Variants in GLUL observed in about 807,000 individuals in gnomAD.
GLUL encodes the protein glutamine synthetase.
GLUL carries 8 observed loss-of-function variants against 36.9 expected under a neutral mutation model. The ratio of observed to expected loss-of-function variants is 0.22; its 90% confidence interval spans 0.13 to 0.39. The LOEUF is 0.39. Among genes scored for constraint, GLUL ranks in the 10% least tolerant of loss-of-function variants. The pLI, the probability that GLUL is intolerant of heterozygous loss-of-function variation, is 1.00. For synonymous variants in GLUL, 182 were observed against 172.8 expected (o/e 1.05, Z -0.42); for missense variants, 315 against 501.8 (o/e 0.63, Z 3.56).
At chr1:182,386,893 G>C (rs915949533) in intron 3 of GLUL, 14 of 574,964 alleles carry the variant, frequency 2.4e-5, no homozygotes, top group African/African-American at 2.2e-4. Context: ...TCCAAGACCG[G>C]CAAACAGATC....
intron 1 of GLUL, chr1:182,390,793 G>A: frequency 5.0e-6 from 2 of 397,630 alleles, no homozygotes; most frequent in Non-Finnish European, 4.4e-6. Context: ...ACTTCTCGTT[G>A]TCTTCATAAT....
At chr1:182,385,914 A>G (rs751105561) in intron 4 of GLUL, 27 bp from the exon 5 acceptor site, 7 of 1,609,022 alleles carry the variant, frequency 4.4e-6, no homozygotes, top group Non-Finnish European at 6.0e-6. Flanking sequence ...ACAAAACACT[A>G]AGAGTCAAGA....
At chr1:182,391,302 G>C (rs2101939791) in intron 1 of GLUL, 1 of 398,538 alleles carries the variant, frequency 2.5e-6, no homozygotes, top group South Asian at 1.3e-4. Context: ...CTCCACAGGG[G>C]ACCGCACCGC....
Position 182,384,763 on chromosome 1 carries a change from C to T in GLUL, c.804-40G>A, listed in dbSNP as rs1650098597. The T allele has an allele frequency of 2.0e-6, 3 of 1,496,204 alleles. No individual in the cohort carries two copies. The African/African-American group carries it at 4.1e-5, about 21-fold the overall frequency. 92.7% of individuals were successfully genotyped at this position (1,496,204 alleles called of 1,614,324 possible). On this transcript the variant is annotated intron_variant, in intron 6 of 6. Transcript: ENST00000331872. ...AAAGATGGCAGTCCAACCTTGTCTC[C>T]AGGTATGGAGCCAAGAATGAAGTGC...
rs61272996 is a variant in GLUL at position 182,379,846 on chromosome 1, CT to C, written c.*4558del. 1.2e-3 allele frequency among the ~76,000 whole-genome samples: 160 copies of C among 138,206 alleles called. No homozygotes were observed. The highest frequency in any genetic ancestry group is 1.2e-3 in the Admixed American group (17 of 13,680). 90.7% of individuals were successfully genotyped at this position (138,206 alleles called of 152,430 possible). ...CCACCATGCCCAGCCTCAGTTACAACTTTTTTTTTTTTTTTGAGATGGAGTT... is the reference window on the plus strand; with the variant it reads ...CCACCATGCCCAGCCTCAGTTACAACTTTTTTTTTTTTTTGAGATGGAGTT... On this transcript the variant is annotated 3_prime_UTR_variant, in exon 7 of 7. Transcript: ENST00000331872.
intron 1 of GLUL, chr1:182,390,522 C>CTA (rs912167364): frequency 2.3e-4 from 91 of 399,182 alleles, no homozygotes; most frequent in African/African-American, 1.6e-3. Flanking sequence ...TCAAGCGTAT[C>CTA]GTTAGGGTTG....
intron 3 of GLUL, 174 bp downstream of exon 3, chr1:182,386,957 G>T: frequency 1.5e-6 from 1 of 676,828 alleles, no homozygotes; most frequent in East Asian, 2.7e-5. Flanking sequence ...ATAGAAAGAT[G>T]GGCCATATTA....
chr1:182,386,853 A>G (rs1650203871), intron 3 of GLUL: 1 of 532,772 alleles, frequency 1.9e-6, no homozygotes, highest in Admixed American at 3.1e-5. Context: ...CCTGGCCTAC[A>G]TTCCAGGCAG....
At chr1:182,387,569 A>C (rs775689288) in intron 2 of GLUL, among the ~76,000 whole-genome samples, 10 of 152,214 alleles carry the variant, frequency 6.6e-5, no homozygotes, top group Non-Finnish European at 1.3e-4. Context: ...GACAAGCTGA[A>C]GCATTCTGTT....
rs955154415 is a variant in GLUL at position 182,381,386 on chromosome 1, A to C, written c.*3019T>G. ...GATGATATTAGGGGAACTCATATTT[A>C]AGGAGTTCATGGAGACCTCCTTTTG... On this transcript the variant is annotated 3_prime_UTR_variant, in exon 7 of 7. Transcript: ENST00000331872. Among the ~76,000 whole-genome samples the C allele has an allele frequency of 4.6e-5, 7 of 152,202 alleles. No homozygotes were observed. Among genetic ancestry groups the C allele is most frequent in the African/African-American group, 1.4e-4 (6 of 41,444 alleles).
chr1:182,388,806 C>T (rs2101936810), intron 1 of GLUL, 56 bp from the exon 2 acceptor site: 1 of 1,369,098 alleles, frequency 7.3e-7, no homozygotes, highest in Non-Finnish European at 1.0e-6. Flanking sequence ...TGATCCCCTG[C>T]AAAAATGGCT....
Position 182,386,590 on chromosome 1 carries a change from C to G in GLUL, c.329-188G>C, listed in dbSNP as rs187206800. On this transcript the variant is annotated intron_variant, in intron 3 of 6. Coordinates refer to ENST00000331872, the MANE Select transcript of GLUL (RefSeq NM_001033044.4). Reference sequence around the variant, plus strand: ...ATGAGAGAAGCTGTTAATTGTACATCTGTAGGAAGACTCTGAAAGACTTCA... The same window carrying G: ...ATGAGAGAAGCTGTTAATTGTACATGTGTAGGAAGACTCTGAAAGACTTCA... 1.1e-5 allele frequency: 7 copies of G among 657,616 alleles called. No individual in the cohort carries two copies. In the African/African-American group the frequency reaches 1.3e-4, roughly 12 times the overall value. 40.7% of individuals were successfully genotyped at this position (657,616 alleles called of 1,614,324 possible). A position where few individuals can be genotyped will look rare whatever the true frequency, so the allele number is the denominator to read the frequency against.
chr1:182,386,199 C>T (rs1469570183), intron 4 of GLUL, 57 bp downstream of exon 4: 30 of 1,489,814 alleles, frequency 2.0e-5, no homozygotes, highest in Non-Finnish European at 2.7e-5. Context: ...TGGGAAGGGG[C>T]ATTCCTGCAC....
Position 182,385,766 on chromosome 1 carries a change from A to T in GLUL, c.597T>A (p.Pro199=), listed in dbSNP as rs1650150798. The T allele has an allele frequency of 6.2e-7, 1 of 1,614,074 alleles. No individual in the cohort carries two copies. The change falls in exon 5 of 7, where the codon CCT becomes CCA. Residue 199 remains proline (P), a synonymous_variant. Transcript: ENST00000331872. ...KIAGTNAEVM[P]AQWEFQIGPC... is the part of the protein sequence containing the mutation. ...GGATTGGAGCTATACTTACCTGGGC[A>T]GGCATGACCTCGGCATTAGTCCCCG...
At chr1:182,386,553 C>A (rs554191593) in intron 3 of GLUL, 151 bp from the exon 4 acceptor site, 2 of 733,978 alleles carry the variant, frequency 2.7e-6, no homozygotes, top group South Asian at 2.9e-5. Flanking sequence ...TTGGGATCAC[C>A]GAGTCAGAAA....
Position 182,386,464 on chromosome 1 carries a change from T to C in GLUL, c.329-62A>G, listed in dbSNP as rs1650187755. On this transcript the variant is annotated intron_variant, in intron 3 of 6. Transcript: ENST00000331872. ...TAAAGACATAGATGCTGAATACCGA[T>C]GCTGATGGGAGAATAGTCCTTGGAT... The C allele has an allele frequency of 6.7e-6, 8 of 1,201,288 alleles. No homozygotes were observed. In the East Asian group the frequency reaches 1.4e-4, roughly 21 times the overall value. The allele number at this position is 1,201,288 out of a possible 1,614,324, so 74.4% of individuals were successfully genotyped here.
intron 2 of GLUL, among the ~76,000 whole-genome samples, chr1:182,387,760 C>T (rs1200772688): frequency 1.3e-5 from 2 of 152,202 alleles, no homozygotes; most frequent in East Asian, 3.8e-4. Flanking sequence ...GCTCCCTTAT[C>T]ACCTATCCAC....
chr1:182,384,723 C>T lies in GLUL; in HGVS notation c.804G>A (p.Lys268=). 1 of 1,612,908 alleles carries T rather than the reference C, an allele frequency of 6.2e-7. No homozygotes were observed. Among genetic ancestry groups the T allele is most frequent in the Non-Finnish European group, 8.5e-7 (1 of 1,178,998 alleles). ...GTTTCTCAATGGCCTCCTCGATGTACCTAGAGTAAACAGAAAAGATGGCAG... is the reference window on the plus strand; with the variant it reads ...GTTTCTCAATGGCCTCCTCGATGTATCTAGAGTAAACAGAAAAGATGGCAG... ...TKAMREENGL[K]YIEEAIEKLS... The change falls in exon 7 of 7, where the codon AAG becomes AAA. Residue 268 remains lysine, a splice_region_variant and synonymous_variant. Transcript: ENST00000331872.
rs1650061676 is a variant in GLUL, at chr1:182,384,180, G to A, written c.*225C>T. 1 of 537,996 alleles carries A rather than the reference G, an allele frequency of 1.9e-6. No individual in the cohort carries two copies. The highest frequency in any genetic ancestry group is 3.1e-5 in the Admixed American group (1 of 32,342). The allele number at this position is 537,996 out of a possible 1,614,324, so 33.3% of individuals were successfully genotyped here. A position where few individuals can be genotyped will look rare whatever the true frequency, so the allele number is the denominator to read the frequency against. On this transcript the variant is annotated 3_prime_UTR_variant, in exon 7 of 7. Coordinates refer to ENST00000331872, the MANE Select transcript of GLUL (RefSeq NM_001033044.4). ...CTCCTCCCCACTAATGCACTAAAAA[G>A]CTTCAGTGATAGGGAAAAAAAGGAG...
Sources: allele counts gnomAD v4.1 joint callset (sites outside exome capture counted in the v4.1 genomes callset), GRCh38; gene constraint gnomAD v4.1.1; transcripts MANE v1.5; gene names NCBI Gene and HGNC (gene_info 2026-07-23, HGNC 2026-07-21).